Variants in CSNK1A1 observed in about 807,000 individuals in gnomAD.
CSNK1A1 encodes casein kinase I isoform alpha.
A neutral mutation model predicts 46.1 loss-of-function variants in CSNK1A1; 7 were observed. That is an observed-to-expected ratio of 0.15 (90% CI 0.09 to 0.29). The LOEUF is 0.29. CSNK1A1 is among the 10% of genes least tolerant of loss of function. CSNK1A1 has a pLI of 1.00. For missense variants in CSNK1A1, 96 were observed against 417.1 expected (o/e 0.23, Z 6.71); for synonymous variants, 137 against 141.5 (o/e 0.97, Z 0.23).
In CSNK1A1 at chr5:149,496,787, A is replaced by T; in HGVS notation, c.*66T>A. 1 of 1,537,952 alleles carries T rather than the reference A, an allele frequency of 6.5e-7. No homozygotes were observed. Among genetic ancestry groups the T allele is most frequent in the Non-Finnish European group, 8.7e-7 (1 of 1,144,728 alleles). On this transcript the variant is annotated 3_prime_UTR_variant, in exon 10 of 10. Coordinates refer to ENST00000377843, the MANE Select transcript of CSNK1A1 (RefSeq NM_001892.6). ...AGTGTACATATGAACTAAAATTTCT[A>T]GATTTGGGGAGAAACAAATGCTGCT... is the stretch of plus-strand genomic sequence containing the variant.
rs185389400 is a variant in CSNK1A1, at chr5:149,538,483, A to C, written c.230+11592T>G. On this transcript the variant is annotated intron_variant, in intron 2 of 9. Coordinates refer to ENST00000377843, the MANE Select transcript of CSNK1A1 (RefSeq NM_001892.6). ...ATCAGAGCTCTCGTTTGAAGAATAG[A>C]AGCTAACAACACTCACTTCTCTAAG... is the stretch of plus-strand genomic sequence containing the variant. Among the ~76,000 whole-genome samples, 47 of 152,332 alleles carry C rather than the reference A, an allele frequency of 3.1e-4. 1 individual carries two copies. The highest frequency in any genetic ancestry group is 5.0e-4 in the Non-Finnish European group (34 of 68,038).
At chr5:149,527,629 G>A (rs1309194394) in intron 2 of CSNK1A1, among the ~76,000 whole-genome samples, 2 of 152,106 alleles carry the variant, frequency 1.3e-5, no homozygotes, top group Admixed American at 1.3e-4. Flanking sequence ...AATAAGCTGG[G>A]TTCTCCTTTC....
At chr5:149,524,999 C>T (rs1461458623) in intron 3 of CSNK1A1, 46 bp downstream of exon 3, 1 of 1,533,684 alleles carries the variant, frequency 6.5e-7, no homozygotes, top group Non-Finnish European at 8.8e-7. Context: ...AAATTCCAGT[C>T]AACAGTACTA....
chr5:149,512,838 C>T (rs1489189100), intron 5 of CSNK1A1, among the ~76,000 whole-genome samples: 3 of 152,162 alleles, frequency 2.0e-5, no homozygotes, highest in African/African-American at 4.8e-5. Context: ...CTTTCTATCA[C>T]GCAGTATTTT....
intron 9 of CSNK1A1, chr5:149,504,530 T>C: frequency 4.1e-6 from 4 of 985,122 alleles, no homozygotes; most frequent in Non-Finnish European, 4.8e-6. Context: ...GCCCCAGAAA[T>C]GGGAAAAGAA....
At chr5:149,507,456 T>C (rs1371143501) in intron 7 of CSNK1A1, among the ~76,000 whole-genome samples, 1 of 152,056 alleles carries the variant, frequency 6.6e-6, no homozygotes, top group African/African-American at 2.4e-5. Flanking sequence ...GTCGCGCCTC[T>C]TCGTGAACTT....
intron 2 of CSNK1A1, among the ~76,000 whole-genome samples, chr5:149,528,011 G>A (rs1761773986): frequency 6.6e-6 from 1 of 152,104 alleles, no homozygotes; most frequent in East Asian, 1.9e-4. Context: ...CACAAATTCA[G>A]ACTTTATATT....
chr5:149,547,775 AT>A (rs1206028305), intron 2 of CSNK1A1, among the ~76,000 whole-genome samples: 2 of 152,008 alleles, frequency 1.3e-5, no homozygotes, highest in African/African-American at 2.4e-5. Flanking sequence ...CTTCCAAATG[AT>A]TTACTTGCTC....
At chr5:149,537,442 T>C (rs1343359193) in intron 2 of CSNK1A1, among the ~76,000 whole-genome samples, 3 of 151,960 alleles carry the variant, frequency 2.0e-5, no homozygotes, top group Non-Finnish European at 4.4e-5. Flanking sequence ...GACAATACCA[T>C]TTCCTACAAC....
intron 9 of CSNK1A1, chr5:149,504,186 T>A: frequency 3.0e-6 from 3 of 985,412 alleles, no homozygotes; most frequent in Non-Finnish European, 3.6e-6. Context: ...CATGTCACCA[T>A]CTGAAAAACC....
At chr5:149,549,248 T>G (rs1015006113) in intron 2 of CSNK1A1, 8 of 501,404 alleles carry the variant, frequency 1.6e-5, no homozygotes, top group Non-Finnish European at 2.5e-5. Context: ...ACATAGTTGG[T>G]GCTGCTCAAA....
At chr5:149,541,158 G>T (rs1489005413) in intron 2 of CSNK1A1, among the ~76,000 whole-genome samples, 3 of 141,286 alleles carry the variant, frequency 2.1e-5, no homozygotes, top group African/African-American at 5.2e-5. Flanking sequence ...AACCAATTTT[G>T]TTTTTTTTTT....
At chr5:149,505,966 G>A (rs1204809240) in intron 8 of CSNK1A1, among the ~76,000 whole-genome samples, 1 of 151,364 alleles carries the variant, frequency 6.6e-6, no homozygotes, top group African/African-American at 2.4e-5. Flanking sequence ...TGCTCTTGTT[G>A]CCCAGGCTGG....
intron 2 of CSNK1A1, among the ~76,000 whole-genome samples, chr5:149,528,564 G>A (rs1316237191): frequency 6.6e-6 from 1 of 152,076 alleles, no homozygotes; most frequent in Non-Finnish European, 1.5e-5. Flanking sequence ...CTTATTCTTA[G>A]TTTCTACCTT....
intron 2 of CSNK1A1, among the ~76,000 whole-genome samples, chr5:149,537,942 C>T (rs534855658): frequency 6.6e-6 from 1 of 150,622 alleles, no homozygotes; most frequent in Non-Finnish European, 1.5e-5. Flanking sequence ...AATTACATGC[C>T]AGGCTCACAG....
chr5:149,551,259 G>A lies in CSNK1A1; in HGVS notation c.-295C>T, dbSNP rs1323727058. On this transcript the variant is annotated 5_prime_UTR_variant, in exon 1 of 10. Transcript: ENST00000377843. ...GCCTCGCTTGCGCGGCGACGTCGCG[G>A]GCTGGAAAAGGGGCGCGGTGAGCTA... 3.4e-6 allele frequency: 1 copy of A among 297,676 alleles called. No individual in the cohort carries two copies. The highest frequency in any genetic ancestry group is 4.9e-5 in the Admixed American group (1 of 20,448). 18.4% of individuals were successfully genotyped at this position (297,676 alleles called of 1,614,324 possible).
At chr5:149,513,737 C>CA (rs1264858334) in intron 4 of CSNK1A1, among the ~76,000 whole-genome samples, 1 of 151,950 alleles carries the variant, frequency 6.6e-6, no homozygotes, top group East Asian at 1.9e-4. Flanking sequence ...CCCACCTCTA[C>CA]AAAAAATACA....
chr5:149,514,979 CTTTAAGT>C (rs1761355548), intron 4 of CSNK1A1, among the ~76,000 whole-genome samples: 1 of 152,152 alleles, frequency 6.6e-6, no homozygotes, highest in Non-Finnish European at 1.5e-5. Flanking sequence ...AAAGCTTATA[CTTTAAGT>C]TTCTCTTGAT....
rs545442642 is a variant in CSNK1A1 at position 149,550,649 on chromosome 5, A to G, written c.123+193T>C. 6.6e-6 allele frequency among the ~76,000 whole-genome samples: 1 copy of G among 151,884 alleles called. No homozygotes were observed. The highest frequency in any genetic ancestry group is 1.5e-5 in the Non-Finnish European group (1 of 68,000). ...ACAAGGTGGGAAACTAGTTCCCCCA[A>G]CCTTTCTATCGGGTTCTTGACCCTT... On this transcript the variant is annotated intron_variant, in intron 1 of 9. Coordinates refer to ENST00000377843, the MANE Select transcript of CSNK1A1 (RefSeq NM_001892.6). This position sits in a 1 kb window ranked among gnomAD's most constrained non-coding sequence, Gnocchi z 4.3.
Sources: allele counts gnomAD v4.1 joint callset (sites outside exome capture counted in the v4.1 genomes callset), GRCh38; gene constraint gnomAD v4.1.1; non-coding constraint Gnocchi (gnomAD v3.1); transcripts MANE v1.5; gene names NCBI Gene and HGNC (gene_info 2026-07-23, HGNC 2026-07-21).